Variants in SLC38A11 observed in about 807,000 individuals in gnomAD.
The protein encoded by SLC38A11 is putative sodium-coupled neutral amino acid transporter 11.
Under a neutral mutation model 49.4 loss-of-function variants are expected in SLC38A11, and 51 were observed. The ratio of observed to expected loss-of-function variants is 1.03; its 90% CI spans 0.83 to 1.30. SLC38A11 has a LOEUF of 1.30. Among genes scored for constraint, SLC38A11 ranks in the 50% most tolerant of loss-of-function variants. The pLI is 0.00. For missense variants in SLC38A11, 574 were observed against 556.2 expected, an observed-to-expected ratio of 1.03 and a Z score of -0.32; for synonymous variants, 203 against 192.9, an observed-to-expected ratio of 1.05 and a Z score of -0.43.
chr2:164,952,922 A>C, intron 2 of SLC38A11, 141 bp from the exon 3 acceptor site: 1 of 647,682 alleles, frequency 1.5e-6, no homozygotes, highest in East Asian at 2.8e-5. Flanking sequence ...CACATAGGAC[A>C]GAATTAATAT....
intron 11 of SLC38A11, among the ~76,000 whole-genome samples, chr2:164,906,107 A>T (rs577519577): frequency 6.6e-5 from 10 of 152,294 alleles, no homozygotes; most frequent in Non-Finnish European, 1.0e-4. Flanking sequence ...GAAAACAAAA[A>T]AAAATTTGTT....
At chr2:164,938,230 A>T (rs559559817) in intron 6 of SLC38A11, among the ~76,000 whole-genome samples, 1 of 152,144 alleles carries the variant, frequency 6.6e-6, no homozygotes, top group Non-Finnish European at 1.5e-5. Context: ...AGAAGTTTCT[A>T]TTATGAATTG....
At chr2:164,919,397 C>T in intron 7 of SLC38A11, among the ~76,000 whole-genome samples, 1 of 151,826 alleles carries the variant, frequency 6.6e-6, no homozygotes, top group East Asian at 1.9e-4. Context: ...AAAAAAACCC[C>T]ATAATATTAA....
At chr2:164,932,745 T>C (rs867822538) in intron 7 of SLC38A11, among the ~76,000 whole-genome samples, 1 of 151,772 alleles carries the variant, frequency 6.6e-6, no homozygotes, top group East Asian at 1.9e-4. Flanking sequence ...AGGGTGGAAG[T>C]TGGGAGAAAG....
chr2:164,929,633 CATTA>C (rs1001266013), intron 7 of SLC38A11, among the ~76,000 whole-genome samples: 1 of 152,112 alleles, frequency 6.6e-6, no homozygotes, highest in African/African-American at 2.4e-5. Context: ...TGTCTGATTT[CATTA>C]ATTGAGCTCT....
chr2:164,923,594 C>T (rs147760996), intron 7 of SLC38A11, among the ~76,000 whole-genome samples: 290 of 151,912 alleles, frequency 1.9e-3, no homozygotes, highest in Middle Eastern at 6.8e-3. Context: ...AAAACAGATG[C>T]TTCCAGCCTG....
At chr2:164,947,378 C>T (rs1016955121) in intron 3 of SLC38A11, among the ~76,000 whole-genome samples, 4 of 152,106 alleles carry the variant, frequency 2.6e-5, no homozygotes, top group African/African-American at 7.2e-5. Context: ...GTGATCCACC[C>T]GCCTAGGCCT....
In SLC38A11 at chr2:164,898,826, CAT is replaced by C. The variant is rs1341507908; in HGVS notation, c.1096-98_1096-97del. On this transcript the variant is annotated intron_variant, in intron 11 of 11. Coordinates refer to ENST00000685975, the MANE Select transcript of SLC38A11 (RefSeq NM_001351537.2). ...ATTTACAAAATGTGTTTTTCATGCA[CAT>C]GTTAAACATGTGATAGGTTCAGTTG... The C allele has an allele frequency of 3.5e-6, 4 of 1,139,688 alleles. No homozygotes were observed. In the Admixed American group the frequency reaches 9.8e-5, roughly 28 times the overall value. The allele number at this position is 1,139,688 out of a possible 1,614,324, so 70.6% of individuals were successfully genotyped here. A position where few individuals can be genotyped will look rare whatever the true frequency, so the allele number is the denominator to read the frequency against.
rs143556252 is a variant in SLC38A11, at chr2:164,919,223, G to A, written c.618-3250C>T. 2.1e-3 allele frequency among the ~76,000 whole-genome samples: 321 copies of A among 152,088 alleles called. 12 individuals carry two copies. The highest frequency in any genetic ancestry group is 0.017 in the Admixed American group (254 of 15,266). On this transcript the variant is annotated intron_variant, in intron 7 of 11. Transcript: ENST00000685975. ...TGTGTGCCTATACACCCAACTACTC[G>A]AGAAGCTGTGATGGGAGAATCACTT...
At chr2:164,941,386 A>G (rs1687756391) in intron 5 of SLC38A11, among the ~76,000 whole-genome samples, 1 of 152,124 alleles carries the variant, frequency 6.6e-6, no homozygotes. Context: ...ATTTCAGAAT[A>G]AAAATAGAGC....
At chr2:164,943,915 G>A (rs1032678912) in intron 5 of SLC38A11, among the ~76,000 whole-genome samples, 1 of 152,068 alleles carries the variant, frequency 6.6e-6, no homozygotes, top group African/African-American at 2.4e-5. Flanking sequence ...GCAGGGCAGT[G>A]GCACGATCAC....
intron 10 of SLC38A11, among the ~76,000 whole-genome samples, chr2:164,910,286 T>G (rs189257632): frequency 3.9e-5 from 6 of 152,212 alleles, no homozygotes; most frequent in African/African-American, 1.4e-4. Context: ...GTGAAGTGAC[T>G]CAGATCGTCT....
chr2:164,908,873 C>T (rs1166409346), intron 10 of SLC38A11, 102 bp from the exon 11 acceptor site: 15 of 1,262,180 alleles, frequency 1.2e-5, no homozygotes, highest in African/African-American at 1.5e-5. Flanking sequence ...AAAATACTAC[C>T]AACAAGGCTA....
chr2:164,953,782 A>G (rs1316325304), intron 2 of SLC38A11, among the ~76,000 whole-genome samples: 1 of 152,208 alleles, frequency 6.6e-6, no homozygotes, highest in African/African-American at 2.4e-5. Flanking sequence ...CAGAAACAAA[A>G]ATGTTGCAAC....
chr2:164,935,469 AG>A (rs1230040661), intron 7 of SLC38A11, among the ~76,000 whole-genome samples: 1 of 145,856 alleles, frequency 6.9e-6, no homozygotes, highest in Non-Finnish European at 1.5e-5. Context: ...CAGGAGTTTG[AG>A]GCTGGCCTGG....
At chr2:164,925,559 C>T (rs554981649) in intron 7 of SLC38A11, among the ~76,000 whole-genome samples, 1 of 152,260 alleles carries the variant, frequency 6.6e-6, no homozygotes, top group African/African-American at 2.4e-5. Flanking sequence ...TACTCCTCTT[C>T]CCACAAGGAT....
chr2:164,949,728 G>T (rs908298926), intron 3 of SLC38A11, among the ~76,000 whole-genome samples: 28 of 152,210 alleles, frequency 1.8e-4, no homozygotes, highest in Non-Finnish European at 2.1e-4. Context: ...CAGGCAGGAG[G>T]ACTATCAATG....
At chr2:164,935,646 G>A (rs539019819) in intron 7 of SLC38A11, among the ~76,000 whole-genome samples, 4 of 151,946 alleles carry the variant, frequency 2.6e-5, no homozygotes, top group African/African-American at 4.8e-5. Context: ...TTGCACCATT[G>A]CACTCCAGTC....
At chr2:164,909,891 G>A (rs1026157755) in intron 10 of SLC38A11, among the ~76,000 whole-genome samples, 1 of 151,900 alleles carries the variant, frequency 6.6e-6, no homozygotes, top group Admixed American at 6.6e-5. Context: ...ATAATTTAAT[G>A]GTGATATTAA....
Sources: gnomAD v4.1 joint callset for allele counts (sites outside exome capture counted in the v4.1 genomes callset) on GRCh38, gnomAD v4.1.1 for gene constraint, MANE v1.5 for transcripts, NCBI Gene and HGNC (gene_info 2026-07-23, HGNC 2026-07-21) for gene names.